Variants in ASAP2 observed in about 807,000 individuals in gnomAD.
The protein encoded by ASAP2 is ArfGAP with SH3 domain, ankyrin repeat and PH domain 2, also known as arf-GAP with SH3 domain, ANK repeat and PH domain-containing protein 2.
Under a neutral mutation model 131.4 loss-of-function variants are expected in ASAP2, and 45 were observed. That is an observed-to-expected ratio of 0.34 (90% CI 0.27 to 0.44). The LOEUF is 0.44. Ranked by LOEUF, ASAP2 falls within the 20% of genes least tolerant of loss-of-function variation. ASAP2 has a pLI of 1.00. For missense variants in ASAP2, 1,011 were observed against 1,297.0 expected (o/e 0.78, Z 3.39); for synonymous variants, 510 against 503.0 (o/e 1.01, Z -0.19).
At chr2:9,241,564 A>G (rs1206848895) in intron 1 of ASAP2, among the ~76,000 whole-genome samples, 1 of 152,210 alleles carries the variant, frequency 6.6e-6, no homozygotes, top group Non-Finnish European at 1.5e-5. Context: ...AAACATGGCG[A>G]AACCCCATCT....
At chr2:9,360,207 G>T (rs1393174157) in intron 15 of ASAP2, among the ~76,000 whole-genome samples, 1 of 152,182 alleles carries the variant, frequency 6.6e-6, no homozygotes, top group Admixed American at 6.5e-5. Context: ...TCAAGATGAT[G>T]TAATAATTGT....
rs1321577446 is a variant in ASAP2 at position 9,279,309 on chromosome 2, C to T, written c.127-8C>T. 1 of 1,613,524 alleles carries T rather than the reference C, an allele frequency of 6.2e-7. No homozygotes were observed. The highest frequency in any genetic ancestry group is 1.3e-5 in the African/African-American group (1 of 74,896). On this transcript the variant is annotated splice_polypyrimidine_tract_variant and splice_region_variant and intron_variant, in intron 1 of 27. Coordinates refer to ENST00000281419, the MANE Select transcript of ASAP2 (RefSeq NM_003887.3). ...CACGGTTTAATGACTGTATTCTCTA[C>T]ATTTTAGGCTTTGGACGTGGACCGG...
At chr2:9,368,561 T>C (rs369860524) in intron 16 of ASAP2, 42 bp downstream of exon 16, 1 of 1,575,706 alleles carries the variant, frequency 6.3e-7, no homozygotes, top group Admixed American at 1.7e-5. Context: ...GAGTAAAGGT[T>C]TGCCTTTGCC....
At chr2:9,348,785 T>C (rs1447236793) in intron 11 of ASAP2, among the ~76,000 whole-genome samples, 1 of 152,176 alleles carries the variant, frequency 6.6e-6, no homozygotes, top group Non-Finnish European at 1.5e-5. Context: ...CCTTTCCCCG[T>C]ATCACAGGGA....
intron 6 of ASAP2, 76 bp downstream of exon 6, chr2:9,323,326 G>T (rs939236583): frequency 2.6e-6 from 4 of 1,561,714 alleles, no homozygotes; most frequent in Non-Finnish European, 3.5e-6. Flanking sequence ...GCATCTCACC[G>T]GTACCAGCGG....
chr2:9,346,761 T>C (rs945950858), intron 11 of ASAP2, among the ~76,000 whole-genome samples: 1 of 152,234 alleles, frequency 6.6e-6, no homozygotes, highest in Non-Finnish European at 1.5e-5. Flanking sequence ...TTCCCCTAGA[T>C]CCAGGCCTCA....
At chr2:9,350,956 G>A in intron 12 of ASAP2, 61 bp downstream of exon 12, 8 of 1,271,724 alleles carry the variant, frequency 6.3e-6, no homozygotes, top group South Asian at 1.7e-5. Context: ...CCTCTGGGGC[G>A]TCCTTCACAT....
At chr2:9,365,647 G>A (rs538649471) in intron 15 of ASAP2, among the ~76,000 whole-genome samples, 1 of 152,172 alleles carries the variant, frequency 6.6e-6, no homozygotes, top group Non-Finnish European at 1.5e-5. Flanking sequence ...ACACACAGAC[G>A]ACTCCCCCGT....
chr2:9,326,183 C>G (rs554771236), intron 6 of ASAP2, among the ~76,000 whole-genome samples: 1 of 152,180 alleles, frequency 6.6e-6, no homozygotes, highest in Non-Finnish European at 1.5e-5. Flanking sequence ...GAGTTCAAGA[C>G]CAGCCTGGGC....
At chr2:9,289,075 A>G (rs944874096) in intron 2 of ASAP2, among the ~76,000 whole-genome samples, 1 of 152,064 alleles carries the variant, frequency 6.6e-6, no homozygotes, top group African/African-American at 2.4e-5. Context: ...TTGTTTTCGC[A>G]TGTTTATCTT....
At chr2:9,267,020 G>A (rs1298833588) in intron 1 of ASAP2, among the ~76,000 whole-genome samples, 1 of 151,884 alleles carries the variant, frequency 6.6e-6, no homozygotes, top group African/African-American at 2.4e-5. Flanking sequence ...AACATTTTCT[G>A]GTTCTTTCGC....
At chr2:9,255,999 A>G (rs1665131308) in intron 1 of ASAP2, among the ~76,000 whole-genome samples, 1 of 152,126 alleles carries the variant, frequency 6.6e-6, no homozygotes, top group South Asian at 2.1e-4. Flanking sequence ...ATCTGGCTCT[A>G]TAGCTTAGTT....
intron 16 of ASAP2, among the ~76,000 whole-genome samples, chr2:9,372,632 A>G (rs750156779): frequency 3.9e-5 from 6 of 152,216 alleles, no homozygotes; most frequent in African/African-American, 1.4e-4. Context: ...CATTTAAGAA[A>G]GATTCTGGCT....
In ASAP2 at chr2:9,392,394, G is replaced by A. The variant is rs144428200; in HGVS notation, c.2519-1088G>A. 7.2e-3 allele frequency among the ~76,000 whole-genome samples: 1,093 copies of A among 152,312 alleles called. 21 individuals are homozygous for A. The highest frequency in any genetic ancestry group is 5.6e-3 in the Non-Finnish European group (381 of 68,026). ...CAGAGCATGAGAATTCTAGAGCCGAGGTGCTCGTGACTTCCTTAGAGTAAG... is the reference window on the plus strand; with the variant it reads ...CAGAGCATGAGAATTCTAGAGCCGAAGTGCTCGTGACTTCCTTAGAGTAAG... On this transcript the variant is annotated intron_variant, in intron 23 of 27. Coordinates refer to ENST00000281419, the MANE Select transcript of ASAP2 (RefSeq NM_003887.3). This position sits in a 1 kb window ranked among gnomAD's most constrained non-coding sequence, Gnocchi z 4.0.
chr2:9,258,332 G>GTTTTTTTTTT (rs769009726), intron 1 of ASAP2, among the ~76,000 whole-genome samples: 1 of 112,542 alleles, frequency 8.9e-6, no homozygotes, highest in Non-Finnish European at 1.8e-5. Context: ...GTAATCAGTA[G>GTTTTTTTTTT]TTGTTTTTTT....
Position 9,395,594 on chromosome 2 carries a change from C to CTTTTTTTTTTTTTTTTTTTTTTTTTT in ASAP2, c.2684+1953_2684+1978dup. Among the ~76,000 whole-genome samples, 5 of 59,048 alleles carry CTTTTTTTTTTTTTTTTTTTTTTTTTT rather than the reference C, an allele frequency of 8.5e-5. 1 individual carries two copies. The highest frequency in any genetic ancestry group is 4.6e-4 in the East Asian group (1 of 2,178). 38.7% of individuals were successfully genotyped at this position (59,048 alleles called of 152,430 possible). A position where few individuals can be genotyped will look rare whatever the true frequency, so the allele number is the denominator to read the frequency against. ...GTTTTGTTTTTCTTGTGTTTTTTTT[C>CTTTTTTTTTTTTTTTTTTTTTTTTTT]TTTTTTTTTTTTTTTTTTTTTTTTT... is the stretch of plus-strand genomic sequence containing the variant. On this transcript the variant is annotated intron_variant, in intron 24 of 27. Transcript: ENST00000281419.
At chr2:9,306,540 TGA>T (rs1454552619) in intron 3 of ASAP2, among the ~76,000 whole-genome samples, 1 of 151,758 alleles carries the variant, frequency 6.6e-6, no homozygotes, top group African/African-American at 2.4e-5. Context: ...GAGAGGGGCT[TGA>T]GCCTGTTTCT....
At position 9,229,416 on chromosome 2, in the gene ASAP2, A is replaced by G. The variant is rs11689650; in HGVS notation, c.126+22186A>G. 6.6e-3 allele frequency among the ~76,000 whole-genome samples: 1,007 copies of G among 152,226 alleles called. 12 individuals are homozygous for G. The highest frequency in any genetic ancestry group is 0.023 in the African/African-American group (970 of 41,530). ...GAGGGATTTCCCCTGTCGATGAACC[A>G]ACCTGAGTACTGTGCATCCAGCCTC... On this transcript the variant is annotated intron_variant, in intron 1 of 27. Transcript: ENST00000281419.
chr2:9,312,795 C>A (rs759434743), intron 3 of ASAP2, among the ~76,000 whole-genome samples: 8 of 152,208 alleles, frequency 5.3e-5, no homozygotes, highest in East Asian at 1.9e-4. Context: ...GTACACCCCC[C>A]TCTCCTGCCA....
Sources: allele counts gnomAD v4.1 joint callset (sites outside exome capture counted in the v4.1 genomes callset), GRCh38; gene constraint gnomAD v4.1.1; non-coding constraint Gnocchi (gnomAD v3.1); transcripts MANE v1.5; gene names NCBI Gene and HGNC (gene_info 2026-07-23, HGNC 2026-07-21).